The following DRC8 variants were observed in gnomAD, a reference collection of about 807,000 sequenced individuals.
DRC8 encodes dynein regulatory complex subunit 8, also known as dynein regulatory complex protein 8.
At chr1:245,036,705 G>A in the DRC8 span, among the ~76,000 whole-genome samples, 75 of 152,306 alleles carry the variant, frequency 4.9e-4, 1 homozygote, top group East Asian at 0.014. Context: ...GATGAACCTA[G>A]GAAACATTCT....
At chr1:245,035,673 C>CCCCAGT in the DRC8 span, among the ~76,000 whole-genome samples, 1 of 151,658 alleles carries the variant, frequency 6.6e-6, no homozygotes, top group Non-Finnish European at 1.5e-5. Flanking sequence ...TCAAGACCAG[C>CCCCAGT]CTGGCCAACG....
chr1:245,115,913 G>A, the DRC8 span, among the ~76,000 whole-genome samples: 9 of 149,386 alleles, frequency 6.0e-5, no homozygotes, highest in African/African-American at 2.2e-4. Flanking sequence ...TTGAGACAGG[G>A]TCTCACTCTG....
At chr1:245,008,667 A>C in the DRC8 span, among the ~76,000 whole-genome samples, 1 of 128,212 alleles carries the variant, frequency 7.8e-6, no homozygotes, top group African/African-American at 3.0e-5. Context: ...ACATGTTCTC[A>C]CACTTTTTTT....
chr1:245,073,446 A>C, the DRC8 span, among the ~76,000 whole-genome samples: 33 of 152,200 alleles, frequency 2.2e-4, no homozygotes, highest in African/African-American at 7.9e-4. Flanking sequence ...AGCTTCATTA[A>C]TTTTTAACAC....
chr1:245,114,013 A>G, the DRC8 span, among the ~76,000 whole-genome samples: 1 of 152,220 alleles, frequency 6.6e-6, no homozygotes, highest in Admixed American at 6.5e-5. Flanking sequence ...GTTCTGTTAC[A>G]TTTTATTTTT....
chr1:245,101,531 T>TATGGAC, the DRC8 span, among the ~76,000 whole-genome samples: 2 of 152,214 alleles, frequency 1.3e-5, no homozygotes, highest in South Asian at 4.1e-4. Context: ...ATTAATACAT[T>TATGGAC]ATGGACTGCA....
chr1:245,063,927 C>T, the DRC8 span, among the ~76,000 whole-genome samples: 26 of 151,998 alleles, frequency 1.7e-4, 1 homozygote, highest in Admixed American at 1.0e-3. Context: ...TTCACCATGT[C>T]GGCCAGGCTG....
the DRC8 span, chr1:245,002,198 C>T: frequency 6.2e-7 from 1 of 1,610,300 alleles, no homozygotes; most frequent in South Asian, 1.1e-5. Flanking sequence ...GAAGAAGAGA[C>T]CATCACACAA....
At chr1:245,121,967 T>G in the DRC8 span, 2 of 405,552 alleles carry the variant, frequency 4.9e-6, no homozygotes, top group South Asian at 3.7e-5. Flanking sequence ...GGCGTGATCT[T>G]GGCTCGTTGC....
At chr1:245,078,986 CTG>C in the DRC8 span, among the ~76,000 whole-genome samples, 383 of 152,150 alleles carry the variant, frequency 2.5e-3, 1 homozygote, top group Non-Finnish European at 4.6e-3. Context: ...ATAGAGGAAA[CTG>C]AGTGAGAGAG....
the DRC8 span, chr1:244,970,866 T>A: frequency 4.2e-6 from 1 of 236,634 alleles, no homozygotes; most frequent in Non-Finnish European, 8.2e-6. Context: ...AATGGCGTCG[T>A]TGTTCACGGT....
At chr1:245,007,734 T>C in the DRC8 span, among the ~76,000 whole-genome samples, 3 of 151,300 alleles carry the variant, frequency 2.0e-5, no homozygotes, top group African/African-American at 4.8e-5. Context: ...TGAGTAGCAA[T>C]GGGGAGCTCT....
the DRC8 span, among the ~76,000 whole-genome samples, chr1:245,110,370 T>A: frequency 6.9e-6 from 1 of 145,814 alleles, no homozygotes; most frequent in Non-Finnish European, 1.5e-5. Flanking sequence ...GGCGACAGAA[T>A]GAGGTTCCTT....
chr1:245,088,272 G>A, the DRC8 span, among the ~76,000 whole-genome samples: 17 of 145,514 alleles, frequency 1.2e-4, no homozygotes, highest in Non-Finnish European at 2.1e-4. This position sits in a 1 kb window ranked among gnomAD's most constrained non-coding sequence, Gnocchi z 4.6. Context: ...TAAAGTAAAG[G>A]GAAGTGAACA....
the DRC8 span, among the ~76,000 whole-genome samples, chr1:244,976,750 A>C: frequency 2.3e-4 from 35 of 152,270 alleles, no homozygotes; most frequent in African/African-American, 6.7e-4. Flanking sequence ...AGAAAGTTAA[A>C]AGTTGAGTTA....
chr1:245,012,345 T>G, the DRC8 span, among the ~76,000 whole-genome samples: 1 of 151,702 alleles, frequency 6.6e-6, no homozygotes, highest in Non-Finnish European at 1.5e-5. Flanking sequence ...ATAATTATAT[T>G]TTTATAAAAT....
the DRC8 span, chr1:245,002,330 G>C: frequency 1.1e-6 from 1 of 932,456 alleles, no homozygotes; most frequent in African/African-American, 1.6e-5. Context: ...TATCCTCATT[G>C]ATTATACATC....
chr1:245,115,836 T>C, the DRC8 span, among the ~76,000 whole-genome samples: 2 of 151,600 alleles, frequency 1.3e-5, no homozygotes, highest in Middle Eastern at 3.5e-3. Context: ...GGAGGATTCT[T>C]TGAGGCCAGG....
the DRC8 span, among the ~76,000 whole-genome samples, chr1:245,031,558 G>A: frequency 4.6e-5 from 7 of 152,028 alleles, no homozygotes; most frequent in South Asian, 2.1e-4. Flanking sequence ...ATGAGTTGTC[G>A]GAGGAAAGCC....
Sources: gnomAD v4.1 joint callset for allele counts (sites outside exome capture counted in the v4.1 genomes callset) on GRCh38, gnomAD v4.1.1 for gene constraint, Gnocchi (gnomAD v3.1) non-coding constraint, MANE v1.5 for transcripts, NCBI Gene and HGNC (gene_info 2026-07-23, HGNC 2026-07-21) for gene names.